The following TBC1D19 variants were observed in gnomAD, a reference collection of about 807,000 sequenced individuals.
TBC1D19 encodes the protein TBC1 domain family, member 19.
In TBC1D19, 60 loss-of-function variants were observed where a neutral mutation model predicts 89.0. The ratio of observed to expected loss-of-function variants is 0.67; its 90% CI spans 0.55 to 0.84. The LOEUF is 0.84. Among genes scored for constraint, TBC1D19 ranks in the 40% least tolerant of loss-of-function variants. TBC1D19 has a pLI of 0.00. For missense variants in TBC1D19, 500 were observed against 610.8 expected, an observed-to-expected ratio of 0.82 and a Z score of 1.91; for synonymous variants, 189 against 199.7, an observed-to-expected ratio of 0.95 and a Z score of 0.45.
the TBC1D19 span, among the ~76,000 whole-genome samples, chr4:26,777,238 G>A: frequency 4.0e-5 from 6 of 150,776 alleles, no homozygotes; most frequent in South Asian, 2.1e-4. Context: ...GGGTTCAAGC[G>A]ATTCTCCTGT....
chr4:26,590,428 C>T (rs186268272), intron 1 of TBC1D19, among the ~76,000 whole-genome samples: 49 of 152,138 alleles, frequency 3.2e-4, no homozygotes, highest in Middle Eastern at 3.4e-3. Context: ...ATCTTTGTCA[C>T]GTTTTATATC....
At chr4:26,847,452 G>A in the TBC1D19 span, among the ~76,000 whole-genome samples, 6 of 152,164 alleles carry the variant, frequency 3.9e-5, no homozygotes, top group Non-Finnish European at 1.5e-5. Flanking sequence ...TTCAAAGAAC[G>A]TTCTAGGCAG....
intron 15 of TBC1D19, 142 bp from the exon 16 acceptor site, chr4:26,735,313 A>C (rs1469054851): frequency 6.5e-6 from 4 of 619,470 alleles, no homozygotes; most frequent in African/African-American, 5.8e-5. Context: ...ATTGTTTACT[A>C]TCACTAAGTC....
the TBC1D19 span, among the ~76,000 whole-genome samples, chr4:26,842,937 G>C: frequency 2.6e-5 from 4 of 152,068 alleles, no homozygotes; most frequent in African/African-American, 9.7e-5. Context: ...CACAGAAAAA[G>C]GAAGAATTAA....
intron 12 of TBC1D19, among the ~76,000 whole-genome samples, chr4:26,686,798 T>C (rs1713850060): frequency 6.6e-6 from 1 of 152,134 alleles, no homozygotes; most frequent in Non-Finnish European, 1.5e-5. Flanking sequence ...TTATGGTTTT[T>C]TCAGAGTTAG....
chr4:26,815,018 T>C, the TBC1D19 span, among the ~76,000 whole-genome samples: 29 of 147,640 alleles, frequency 2.0e-4, no homozygotes, highest in African/African-American at 7.3e-4. Context: ...TGAGACCTTG[T>C]CTCAAAAAAA....
chr4:26,649,635 A>G (rs113658696), intron 7 of TBC1D19, among the ~76,000 whole-genome samples: 3,342 of 152,180 alleles, frequency 0.022, 114 homozygotes, highest in African/African-American at 0.075. Context: ...TTGTATAACC[A>G]ATGACTGGTT....
intron 13 of TBC1D19, among the ~76,000 whole-genome samples, chr4:26,697,148 A>G (rs1714863117): frequency 1.3e-5 from 2 of 152,210 alleles, no homozygotes; most frequent in East Asian, 1.9e-4. Context: ...AGAATCAAAT[A>G]GACACAATAA....
At chr4:26,705,118 T>G (rs1715640575) in intron 13 of TBC1D19, among the ~76,000 whole-genome samples, 2 of 127,118 alleles carry the variant, frequency 1.6e-5, no homozygotes, top group South Asian at 2.6e-4. Context: ...GATCAACTTG[T>G]TTTTTTTTGT....
the TBC1D19 span, among the ~76,000 whole-genome samples, chr4:26,834,686 AC>A: frequency 6.6e-6 from 1 of 152,036 alleles, no homozygotes; most frequent in East Asian, 1.9e-4. Flanking sequence ...CTTTCTGGCT[AC>A]TCGTTTTCAT....
chr4:26,708,981 T>C (rs547860742), intron 13 of TBC1D19, among the ~76,000 whole-genome samples: 1 of 142,360 alleles, frequency 7.0e-6, no homozygotes, highest in Non-Finnish European at 1.5e-5. Flanking sequence ...CAGTTGTCAA[T>C]TTTTTTTTTT....
chr4:26,825,233 G>A, the TBC1D19 span, among the ~76,000 whole-genome samples: 2 of 152,088 alleles, frequency 1.3e-5, no homozygotes, highest in East Asian at 3.9e-4. Context: ...CGAGTAGCTG[G>A]GACTACAGGT....
At chr4:26,679,134 C>T (rs1577921832) in intron 11 of TBC1D19, among the ~76,000 whole-genome samples, 1 of 152,142 alleles carries the variant, frequency 6.6e-6, no homozygotes, top group Non-Finnish European at 1.5e-5. Flanking sequence ...ATGCTAATTG[C>T]CAAGACCATG....
At chr4:26,772,266 G>C in the TBC1D19 span, among the ~76,000 whole-genome samples, 3,395 of 152,112 alleles carry the variant, frequency 0.022, 122 homozygotes, top group African/African-American at 0.077. Flanking sequence ...TACCTCGCAG[G>C]TCTCAAGGGA....
intron 2 of TBC1D19, among the ~76,000 whole-genome samples, chr4:26,613,955 G>A (rs1193347890): frequency 6.6e-6 from 1 of 152,120 alleles, no homozygotes. Context: ...CTGACTATTG[G>A]TAACTCACAA....
At chr4:26,795,374 A>AT in the TBC1D19 span, among the ~76,000 whole-genome samples, 1 of 151,916 alleles carries the variant, frequency 6.6e-6, no homozygotes, top group Admixed American at 6.6e-5. Context: ...TCCCTGATTC[A>AT]TTTTTTCCTT....
the TBC1D19 span, among the ~76,000 whole-genome samples, chr4:26,845,210 C>T: frequency 6.6e-6 from 1 of 152,078 alleles, no homozygotes; most frequent in Non-Finnish European, 1.5e-5. Flanking sequence ...TTTATTTTAC[C>T]ATTATATTGC....
chr4:26,848,710 T>TA, the TBC1D19 span, among the ~76,000 whole-genome samples: 2 of 152,232 alleles, frequency 1.3e-5, no homozygotes, highest in African/African-American at 4.8e-5. Flanking sequence ...TTCTACACTT[T>TA]ATAACAGTAA....
At chr4:26,743,682 A>G (rs1718494823) in intron 18 of TBC1D19, among the ~76,000 whole-genome samples, 1 of 152,004 alleles carries the variant, frequency 6.6e-6, no homozygotes, top group Admixed American at 6.5e-5. Flanking sequence ...CATATCATCC[A>G]TTGATAATAC....
Sources: allele counts gnomAD v4.1 joint callset (sites outside exome capture counted in the v4.1 genomes callset), GRCh38; gene constraint gnomAD v4.1.1; transcripts MANE v1.5; gene names NCBI Gene and HGNC (gene_info 2026-07-23, HGNC 2026-07-21).